The following VSIR variants were observed in gnomAD, a reference collection of about 807,000 sequenced individuals.
The protein encoded by VSIR is V-type immunoglobulin domain-containing suppressor of T-cell activation.
In VSIR, 10 loss-of-function variants were observed where a neutral mutation model predicts 31.0. The ratio of observed to expected loss-of-function variants is 0.32; its 90% confidence interval spans 0.20 to 0.55. The LOEUF (loss-of-function observed/expected upper bound fraction) is 0.55. Ranked by LOEUF, VSIR falls within the 20% of genes least tolerant of loss-of-function variation. The pLI is 0.93. For synonymous variants in VSIR, 179 were observed against 180.1 expected, an observed-to-expected ratio of 0.99 and a Z score of 0.05; for missense variants, 356 against 416.2, an observed-to-expected ratio of 0.86 and a Z score of 1.26.
chr10:71,757,387 C>T (rs548393787), intron 3 of VSIR, among the ~76,000 whole-genome samples: 2 of 152,312 alleles, frequency 1.3e-5, no homozygotes, highest in South Asian at 2.1e-4. Context: ...GGCTTCCTTA[C>T]GATCTGGGCT....
chr10:71,767,533 G>A lies in VSIR; in HGVS notation c.83-5507C>T, dbSNP rs530068257. On this transcript the variant is annotated intron_variant, in intron 1 of 6. Transcript: ENST00000394957. ...GAATGGGACCTGGTTCCAGCTCCCC[G>A]CCAGGCCCCATCCCCCAGGATGGTC... Among the ~76,000 whole-genome samples the A allele has an allele frequency of 6.6e-5, 10 of 152,290 alleles. No individual in the cohort carries two copies. The South Asian group carries it at 1.2e-3, about 19-fold the overall frequency.
chr10:71,751,100 G>C lies in VSIR; in HGVS notation c.*153C>G. 1.1e-6 allele frequency: 1 copy of C among 915,016 alleles called. No individual in the cohort carries two copies. Among genetic ancestry groups the C allele is most frequent in the Non-Finnish European group, 1.6e-6 (1 of 611,780 alleles). The allele number at this position is 915,016 out of a possible 1,614,324, so 56.7% of individuals were successfully genotyped here. A position where few individuals can be genotyped will look rare whatever the true frequency, so the allele number is the denominator to read the frequency against. ...CCCATGTAGCATCCAGAGGGGTTGA[G>C]GGGCTGGGCTTCTGGGATGTCACAG... On this transcript the variant is annotated 3_prime_UTR_variant, in exon 7 of 7. Coordinates refer to ENST00000394957, the MANE Select transcript of VSIR (RefSeq NM_022153.2). The surrounding 1 kb of genome is among the most constrained non-coding windows in gnomAD (Gnocchi z 4.9).
intron 3 of VSIR, among the ~76,000 whole-genome samples, chr10:71,759,980 CATATATATACACACACACATACAT>C (rs1840284227): frequency 1.2e-5 from 1 of 85,338 alleles, no homozygotes; most frequent in Admixed American, 1.2e-4. Context: ...TACACACACA[CATATATATACACACACACATACAT>C]ATATATACAC....
At position 71,761,722 on chromosome 10, in the gene VSIR, G is replaced by C. The variant is rs1840391239; in HGVS notation, c.387C>G (p.Phe129Leu). 1 of 1,614,038 alleles carries C rather than the reference G, an allele frequency of 6.2e-7. No homozygotes were observed. The highest frequency in any genetic ancestry group is 1.3e-5 in the African/African-American group (1 of 74,942). The change falls in exon 2 of 7, where the codon TTC becomes TTG. Residue 129 changes from phenylalanine to leucine, a missense_variant. Coordinates refer to ENST00000394957, the MANE Select transcript of VSIR (RefSeq NM_022153.2). Reference protein sequence around the residue: ...LESASDHHGNFSITMRNLTLL... With the variant: ...LESASDHHGNLSITMRNLTLL... The stretch of plus-strand genomic sequence containing the variant: ...GGGTCAGGTTGCGCATGGTGATGGA[G>C]AAGTTGCCATGGTGGTCGGAGGCCG...
Position 71,751,449 on chromosome 10 carries a change from T to G in VSIR, c.899-159A>C, listed in dbSNP as rs1363253222. 4.1e-5 allele frequency among the ~76,000 whole-genome samples: 1 copy of G among 24,208 alleles called. No individual in the cohort carries two copies. Among genetic ancestry groups the G allele is most frequent in the Non-Finnish European group, 8.1e-5 (1 of 12,402 alleles). 15.9% of individuals were successfully genotyped at this position (24,208 alleles called of 152,430 possible). A position where few individuals can be genotyped will look rare whatever the true frequency, so the allele number is the denominator to read the frequency against. ...GAGGCCGTGGAACTCTTCAGGGAGG[T>G]GAATGGGGGCCCCTCTGTCCCTCAC... On this transcript the variant is annotated intron_variant, in intron 6 of 6. Transcript: ENST00000394957. The surrounding 1 kb of genome is among the most constrained non-coding windows in gnomAD (Gnocchi z 4.9).
In VSIR at chr10:71,762,005, A is replaced by G. The variant is rs1032952373; in HGVS notation, c.104T>C (p.Val35Ala). ...GACATACAGGGAATACGGCGTGGCG[A>G]CCTTGAAGGCTGCCACCGGACCTGC... The part of the protein sequence containing the change: ...ASLGPVAAFK[V>A]ATPYSLYVCP... Residue 35 changes from valine to alanine, a missense_variant, in exon 2 of 7, where the codon GTC (valine) becomes GCC (alanine). Coordinates refer to ENST00000394957, the MANE Select transcript of VSIR (RefSeq NM_022153.2). 13 of 1,606,712 alleles carry G rather than the reference A, an allele frequency of 8.1e-6. No homozygotes were observed. Among genetic ancestry groups the G allele is most frequent in the African/African-American group, 1.3e-5 (1 of 74,816 alleles).
rs1280863445 is a variant in VSIR at position 71,773,514 on chromosome 10, C to G, written c.-75G>C. 4.2e-6 allele frequency: 6 copies of G among 1,430,434 alleles called. No individual in the cohort carries two copies. The highest frequency in any genetic ancestry group is 1.4e-5 in the African/African-American group (1 of 70,228). The allele number at this position is 1,430,434 out of a possible 1,614,324, so 88.6% of individuals were successfully genotyped here. On this transcript the variant is annotated 5_prime_UTR_variant, in exon 1 of 7. Transcript: ENST00000394957. ...ACGCGGCCGGCGCGGGGAAGCCTCC[C>G]GCGACTGAGTGCGAGCGAGTGAGCG...
intron 3 of VSIR, among the ~76,000 whole-genome samples, chr10:71,758,545 T>C (rs1351897780): frequency 6.6e-6 from 1 of 152,204 alleles, no homozygotes; most frequent in East Asian, 1.9e-4. Context: ...ACCGGGGGGC[T>C]AACTGCTACC....
chr10:71,769,044 G>A (rs1053616019), intron 1 of VSIR, among the ~76,000 whole-genome samples: 5 of 152,154 alleles, frequency 3.3e-5, no homozygotes, highest in Non-Finnish European at 5.9e-5. Flanking sequence ...TCTTGAAGAC[G>A]GACAAATGTC....
rs1248905476 is a variant in VSIR at position 71,750,644 on chromosome 10, T to C, written c.*609A>G. ...GCTCTGGGGACTGGAATGCAGGCAG[T>C]GGAAGCCCCAGATTGACTTAACCTG... On this transcript the variant is annotated 3_prime_UTR_variant, in exon 7 of 7. Coordinates refer to ENST00000394957, the MANE Select transcript of VSIR (RefSeq NM_022153.2). 6.6e-6 allele frequency: 1 copy of C among 152,360 alleles called. No individual in the cohort carries two copies. Among genetic ancestry groups the C allele is most frequent in the East Asian group, 1.9e-4 (1 of 5,194 alleles). The allele number at this position is 152,360 out of a possible 1,614,324, so 9.4% of individuals were successfully genotyped here.
chr10:71,765,865 C>T (rs1029163847), intron 1 of VSIR, among the ~76,000 whole-genome samples: 1 of 152,100 alleles, frequency 6.6e-6, no homozygotes, highest in African/African-American at 2.4e-5. Flanking sequence ...GGAGAGGGTC[C>T]AGGACAAGCC....
chr10:71,759,854 C>CACACACACATATATACACACACACATAT (rs1482468493), intron 3 of VSIR, among the ~76,000 whole-genome samples: 8 of 109,304 alleles, frequency 7.3e-5, no homozygotes, highest in South Asian at 3.1e-4. Context: ...CACATATACA[C>CACACACACATATATACACACACACATAT]ACACACACAC....
intron 5 of VSIR, 129 bp downstream of exon 5, chr10:71,752,846 C>T: frequency 8.9e-7 from 1 of 1,122,308 alleles, no homozygotes; most frequent in Non-Finnish European, 1.3e-6. Flanking sequence ...CAGGCTTCAG[C>T]AGCAGATGGC....
chr10:71,748,034 C>A lies in VSIR; in HGVS notation c.*3219G>T, dbSNP rs1839895256. The A allele has an allele frequency of 6.6e-6, 1 of 152,328 alleles. No individual in the cohort carries two copies. Among genetic ancestry groups the A allele is most frequent in the Admixed American group, 6.5e-5 (1 of 15,288 alleles). 9.4% of individuals were successfully genotyped at this position (152,328 alleles called of 1,614,324 possible). On this transcript the variant is annotated 3_prime_UTR_variant, in exon 7 of 7. Transcript: ENST00000394957. ...TTGTTCCCAGCATCCTGGTTAGCAACCCCAGTTCCTCTTTCGTGCATTGTG... is the reference window on the plus strand; with the variant it reads ...TTGTTCCCAGCATCCTGGTTAGCAAACCCAGTTCCTCTTTCGTGCATTGTG...
chr10:71,760,036 CACATATATACACACACACAT>C (rs1277981447), intron 3 of VSIR, among the ~76,000 whole-genome samples: 1 of 113,142 alleles, frequency 8.8e-6, no homozygotes, highest in Non-Finnish European at 2.0e-5. Context: ...TACACACACA[CACATATATACACACACACAT>C]ATATATACAC....
chr10:71,758,298 C>A (rs1232935941), intron 3 of VSIR, among the ~76,000 whole-genome samples: 1 of 152,166 alleles, frequency 6.6e-6, no homozygotes, highest in Admixed American at 6.5e-5. Flanking sequence ...GGCTTAGGTC[C>A]TCGTGCATGT....
Position 71,751,859 on chromosome 10 carries a change from T to C in VSIR, c.707A>G (p.Asn236Ser), listed in dbSNP as rs778993914. Residue 236 changes from asparagine (N) to serine (S), a missense_variant and splice_region_variant, in exon 6 of 7, where the codon AAC becomes AGC. By Grantham distance (46) the Asn-to-Ser change is conservative. Coordinates refer to ENST00000394957, the MANE Select transcript of VSIR (RefSeq NM_022153.2). This position sits in a 1 kb window ranked among gnomAD's most constrained non-coding sequence, Gnocchi z 4.9. ...RAQELVRMDS[N>S]IQGIENPGFE... ...GCCGGGGTTTTCAATCCCTTGAATGTTGCTGCCACAGAACCAGAATGGAAG... is the reference window on the plus strand; with the variant it reads ...GCCGGGGTTTTCAATCCCTTGAATGCTGCTGCCACAGAACCAGAATGGAAG... 1 of 1,547,600 alleles carries C rather than the reference T, an allele frequency of 6.5e-7. No individual in the cohort carries two copies. Among genetic ancestry groups the C allele is most frequent in the Non-Finnish European group, 8.7e-7 (1 of 1,146,212 alleles).
In VSIR at chr10:71,748,353, T is replaced by G. The variant is rs888663061; in HGVS notation, c.*2900A>C. 4 of 152,486 alleles carry G rather than the reference T, an allele frequency of 2.6e-5. No homozygotes were observed. Among genetic ancestry groups the G allele is most frequent in the African/African-American group, 9.7e-5 (4 of 41,444 alleles). 9.4% of individuals were successfully genotyped at this position (152,486 alleles called of 1,614,324 possible). A position where few individuals can be genotyped will look rare whatever the true frequency, so the allele number is the denominator to read the frequency against. ...TCCTGCACCTCCACCCCAGCGCCCA[T>G]CGCCACGGACTCCCCCAGGCAGGGC... On this transcript the variant is annotated 3_prime_UTR_variant, in exon 7 of 7. Transcript: ENST00000394957.
chr10:71,752,623 G>A (rs542863083), intron 5 of VSIR, among the ~76,000 whole-genome samples: 12 of 152,192 alleles, frequency 7.9e-5, no homozygotes, highest in Non-Finnish European at 1.6e-4. Flanking sequence ...CTGCGGGCAG[G>A]AGGCACAGCT....
Sources: gnomAD v4.1 joint callset for allele counts (sites outside exome capture counted in the v4.1 genomes callset) on GRCh38, gnomAD v4.1.1 for gene constraint, Gnocchi (gnomAD v3.1) non-coding constraint, MANE v1.5 for transcripts, NCBI Gene and HGNC (gene_info 2026-07-23, HGNC 2026-07-21) for gene names.